The following CNBD1 variants were observed in gnomAD, a reference collection of about 807,000 sequenced individuals.
CNBD1 encodes the protein cyclic nucleotide binding domain containing 1.
A neutral mutation model predicts 54.4 loss-of-function variants in CNBD1; 71 were observed. The ratio of observed to expected loss-of-function variants is 1.30; its 90% confidence interval spans 1.08 to 1.59. CNBD1 has a LOEUF of 1.59. Ranked by LOEUF, CNBD1 falls within the 40% of genes most tolerant of loss-of-function variation. The probability of loss-of-function intolerance (pLI) is 0.00; values close to 1 mark genes in which losing one functional copy is unlikely to be tolerated. For synonymous variants in CNBD1, 182 were observed against 170.7 expected, an observed-to-expected ratio of 1.07 and a Z score of -0.51; for missense variants, 659 against 518.0, an observed-to-expected ratio of 1.27 and a Z score of -2.64.
intron 4 of CNBD1, among the ~76,000 whole-genome samples, chr8:87,144,979 A>C (rs777552202): frequency 2.6e-5 from 4 of 152,168 alleles, no homozygotes; most frequent in Non-Finnish European, 5.9e-5. Flanking sequence ...ATGTATGCTA[A>C]AAGGAACAGT....
intron 6 of CNBD1, among the ~76,000 whole-genome samples, chr8:87,274,206 TCGTGAATGGTGCCGCAATAAACATA>T (rs1808428453): frequency 6.6e-6 from 1 of 151,426 alleles, no homozygotes; most frequent in African/African-American, 2.4e-5. Context: ...GTCTTTGCTA[TCGTGAATGGTGCCGCAATAAACATA>T]CGTGTGCATG....
intron 3 of CNBD1, among the ~76,000 whole-genome samples, chr8:86,916,391 C>T (rs1014958366): frequency 1.3e-5 from 2 of 152,122 alleles, no homozygotes; most frequent in African/African-American, 4.8e-5. Flanking sequence ...TTCCTTCTCC[C>T]CTGGTTCTTC....
chr8:87,325,003 T>C (rs1809637586), intron 8 of CNBD1, among the ~76,000 whole-genome samples: 2 of 106,286 alleles, frequency 1.9e-5, no homozygotes, highest in Non-Finnish European at 3.9e-5. Context: ...GTATGTTGTG[T>C]CTTTGTTCTC....
intron 6 of CNBD1, among the ~76,000 whole-genome samples, chr8:87,253,806 A>G (rs960863599): frequency 2.6e-5 from 4 of 152,186 alleles, no homozygotes; most frequent in Non-Finnish European, 5.9e-5. Flanking sequence ...GTGATGAACA[A>G]CAAAAACAAC....
chr8:86,912,448 A>T (rs1809114999), intron 3 of CNBD1, among the ~76,000 whole-genome samples: 1 of 152,194 alleles, frequency 6.6e-6, no homozygotes, highest in African/African-American at 2.4e-5. Flanking sequence ...TGGTCCCATA[A>T]AATTAAAATG....
At chr8:87,385,380 G>C (rs990211029), downstream of CNBD1, among the ~76,000 whole-genome samples, 1 of 152,148 alleles carries the variant, frequency 6.6e-6, no homozygotes, top group Non-Finnish European at 1.5e-5. Context: ...AAAGAAAGGG[G>C]TGACAGATGG....
chr8:87,324,373 G>A lies in CNBD1; in HGVS notation c.1043-27312G>A, dbSNP rs377370203. 4.5e-3 allele frequency among the ~76,000 whole-genome samples: 570 copies of A among 127,000 alleles called. 70 individuals are homozygous for A. The highest frequency in any genetic ancestry group is 0.042 in the Middle Eastern group (10 of 238). 83.3% of individuals were successfully genotyped at this position (127,000 alleles called of 152,430 possible). ...CTATTGATTGGAATAATTTCAGAAG[G>A]AATGGTACCAGTTCCTCCTTGTACC... On this transcript the variant is annotated intron_variant, in intron 8 of 10. Transcript: ENST00000518476.
At chr8:87,306,797 A>C (rs1809160990) in intron 8 of CNBD1, among the ~76,000 whole-genome samples, 1 of 152,082 alleles carries the variant, frequency 6.6e-6, no homozygotes, top group Non-Finnish European at 1.5e-5. Context: ...GAAGACTATA[A>C]ATATGGTGCA....
intron 4 of CNBD1, among the ~76,000 whole-genome samples, chr8:86,998,690 T>C (rs2130541017): frequency 6.6e-6 from 1 of 152,330 alleles, no homozygotes; most frequent in African/African-American, 2.4e-5. Context: ...ACTGGCCCCA[T>C]GTTTGATTTT....
intron 8 of CNBD1, among the ~76,000 whole-genome samples, chr8:87,346,839 G>T (rs1810185032): frequency 2.0e-5 from 3 of 152,232 alleles, no homozygotes; most frequent in African/African-American, 2.4e-5. Context: ...AACCCAGTAT[G>T]GTTTGAAAAT....
chr8:87,218,632 T>C (rs930305421), intron 5 of CNBD1, among the ~76,000 whole-genome samples: 4 of 152,044 alleles, frequency 2.6e-5, no homozygotes, highest in African/African-American at 9.7e-5. Context: ...AGTTACTAAA[T>C]CCTGTAACTG....
At chr8:87,334,287 C>G (rs1809896573) in intron 8 of CNBD1, among the ~76,000 whole-genome samples, 1 of 151,870 alleles carries the variant, frequency 6.6e-6, no homozygotes, top group African/African-American at 2.4e-5. Context: ...CTTTATTAGT[C>G]TAGCTAGCAA....
At chr8:87,369,017 C>A (rs921418792) in intron 10 of CNBD1, among the ~76,000 whole-genome samples, 1 of 151,920 alleles carries the variant, frequency 6.6e-6, no homozygotes, top group African/African-American at 2.4e-5. Context: ...CCTCCAGGAT[C>A]CATATTACAA....
chr8:87,065,749 A>G (rs1471872357), intron 4 of CNBD1, among the ~76,000 whole-genome samples: 1 of 151,944 alleles, frequency 6.6e-6, no homozygotes, highest in East Asian at 1.9e-4. Context: ...TGTTTTGTCC[A>G]AGTCTTGAAG....
At chr8:86,961,376 A>G (rs189340370) in intron 4 of CNBD1, among the ~76,000 whole-genome samples, 1 of 152,202 alleles carries the variant, frequency 6.6e-6, no homozygotes, top group Non-Finnish European at 1.5e-5. Context: ...CCAAAGGAGA[A>G]CATCACAAGT....
At chr8:86,990,115 G>A (rs1047919223) in intron 4 of CNBD1, among the ~76,000 whole-genome samples, 2 of 152,116 alleles carry the variant, frequency 1.3e-5, no homozygotes, top group African/African-American at 2.4e-5. Flanking sequence ...TGTCAGATGG[G>A]TAGTTTGCAA....
intron 6 of CNBD1, among the ~76,000 whole-genome samples, chr8:87,277,734 A>G (rs1002899816): frequency 6.6e-6 from 1 of 151,682 alleles, no homozygotes; most frequent in Non-Finnish European, 1.5e-5. Flanking sequence ...GTCTGCTCCT[A>G]TACTAATTGA....
intron 4 of CNBD1, among the ~76,000 whole-genome samples, chr8:87,029,943 A>G (rs577883312): frequency 4.4e-4 from 67 of 152,324 alleles, no homozygotes; most frequent in African/African-American, 1.4e-3. Context: ...AGCATTTTAT[A>G]TAGTAATGAA....
chr8:87,165,224 T>A (rs1812937104), intron 4 of CNBD1, among the ~76,000 whole-genome samples: 1 of 151,958 alleles, frequency 6.6e-6, no homozygotes, highest in Admixed American at 6.6e-5. Flanking sequence ...AAGAAAAACA[T>A]GTATTCTGCT....
Sources: gnomAD v4.1 joint callset for allele counts (sites outside exome capture counted in the v4.1 genomes callset) on GRCh38, gnomAD v4.1.1 for gene constraint, MANE v1.5 for transcripts, NCBI Gene and HGNC (gene_info 2026-07-23, HGNC 2026-07-21) for gene names.